The following HIVEP2 variants were observed in gnomAD, a reference collection of about 807,000 sequenced individuals.
HIVEP2 encodes transcription factor HIVEP2.
HIVEP2 carries 14 observed loss-of-function variants against 180.7 expected under a neutral mutation model. That is an observed-to-expected ratio of 0.08 (90% CI 0.05 to 0.12). The LOEUF (loss-of-function observed/expected upper bound fraction) is 0.12. HIVEP2 is among the 10% of genes least tolerant of loss of function. The pLI is 1.00. For synonymous variants in HIVEP2, 1,184 were observed against 1,136.4 expected (o/e 1.04, Z -0.84); for missense variants, 2,579 against 3,008.5 (o/e 0.86, Z 3.34).
intron 1 of HIVEP2, among the ~76,000 whole-genome samples, chr6:142,873,823 A>T (rs183707498): frequency 1.0e-3 from 155 of 152,272 alleles, no homozygotes; most frequent in African/African-American, 2.7e-3. Flanking sequence ...TAGCTCCTGA[A>T]TTTTTTTAAG....
At chr6:142,815,260 A>G (rs1776803952) in intron 2 of HIVEP2, among the ~76,000 whole-genome samples, 1 of 152,172 alleles carries the variant, frequency 6.6e-6, no homozygotes, top group Admixed American at 6.5e-5. Flanking sequence ...GCCCTCTGAC[A>G]GAACACCGCA....
At chr6:142,816,639 C>G (rs1776844915) in intron 2 of HIVEP2, among the ~76,000 whole-genome samples, 1 of 152,194 alleles carries the variant, frequency 6.6e-6, no homozygotes, top group Non-Finnish European at 1.5e-5. Context: ...CACAAATGTG[C>G]TCCAAGACCT....
chr6:142,902,933 A>T (rs1777167347), intron 1 of HIVEP2, among the ~76,000 whole-genome samples: 1 of 152,220 alleles, frequency 6.6e-6, no homozygotes, highest in Admixed American at 6.5e-5. Context: ...ATGAAACAGG[A>T]TGTTGGAGAC....
At chr6:142,926,963 G>T (rs548877320) in intron 1 of HIVEP2, among the ~76,000 whole-genome samples, 6 of 151,846 alleles carry the variant, frequency 4.0e-5, no homozygotes, top group East Asian at 1.9e-4. Flanking sequence ...GTCAGCGGAC[G>T]GGGGGCCAAA....
Position 142,753,714 on chromosome 6 carries a change from G to T in HIVEP2, c.6734C>A (p.Ser2245Tyr). The change falls in exon 10 of 10, where the codon TCC (serine) becomes TAC (tyrosine). Residue 2245 changes from serine (S) to tyrosine (Y), a missense_variant. Ser to Tyr is a moderately radical substitution (Grantham distance 144). Transcript: ENST00000367603. ...CAATGTGGGTGAAGGATGTAAACTGGAAAGGGCTGGCGGCATGGAGTGAAC... is the reference window on the plus strand; with the variant it reads ...CAATGTGGGTGAAGGATGTAAACTGTAAAGGGCTGGCGGCATGGAGTGAAC... ...QMVHSMPPAL[S>Y]SLHPSPTLPL... The T allele has an allele frequency of 6.2e-7, 1 of 1,614,162 alleles. No individual in the cohort carries two copies. The highest frequency in any genetic ancestry group is 8.5e-7 in the Non-Finnish European group (1 of 1,180,024).
At chr6:142,787,566 C>CA (rs5880546) in intron 2 of HIVEP2, among the ~76,000 whole-genome samples, 25,993 of 118,124 alleles carry the variant, frequency 0.22, 2,757 homozygotes, top group Middle Eastern at 0.31. Flanking sequence ...TTCCTCTCTA[C>CA]AAAAAAAAAA....
Position 142,769,701 on chromosome 6 carries a change from G to T in HIVEP2, c.5038C>A (p.Pro1680Thr). 6.2e-7 allele frequency: 1 copy of T among 1,614,198 alleles called. No individual in the cohort carries two copies. The highest frequency in any genetic ancestry group is 1.1e-5 in the South Asian group (1 of 91,092). The stretch of plus-strand genomic sequence containing the variant: ...TTGGTGTTCAATCCTGATGGGTTTG[G>T]ATTACAGGAACTAATGCACCATGAA... ...YASWCISSCN[P>T]NPSGLNTKTT... Residue 1680 changes from proline (P) to threonine (T), a missense_variant, in exon 5 of 10, where the codon CCA becomes ACA. By Grantham distance (38) the Pro-to-Thr change is conservative (BLOSUM62 -1). Around this residue, in one of 11 missense-constraint regions of HIVEP2, gnomAD observed 349 missense variants for 367.2 expected, o/e 0.95. Coordinates refer to ENST00000367603, the MANE Select transcript of HIVEP2 (RefSeq NM_006734.4).
chr6:142,929,467 A>T (rs1043099479), intron 1 of HIVEP2, among the ~76,000 whole-genome samples: 1 of 152,194 alleles, frequency 6.6e-6, no homozygotes, highest in East Asian at 1.9e-4. Flanking sequence ...CCAGAACAAA[A>T]AAAAAGGAGT....
At chr6:142,944,370 C>A (rs1285024768) in intron 1 of HIVEP2, among the ~76,000 whole-genome samples, 2 of 148,696 alleles carry the variant, frequency 1.3e-5, no homozygotes, top group Non-Finnish European at 3.0e-5. Context: ...CACCCCCCCC[C>A]CCCACCAAAT....
chr6:142,841,442 T>TTGTG (rs149688723), intron 1 of HIVEP2, among the ~76,000 whole-genome samples: 4 of 151,558 alleles, frequency 2.6e-5, no homozygotes, highest in African/African-American at 7.3e-5. Flanking sequence ...CACATGAACT[T>TTGTG]TGTGTGTGTG....
At chr6:142,801,864 A>T (rs1776421316) in intron 2 of HIVEP2, among the ~76,000 whole-genome samples, 1 of 152,178 alleles carries the variant, frequency 6.6e-6, no homozygotes, top group Admixed American at 6.6e-5. Flanking sequence ...GTTCCAACAT[A>T]GTTCATTTGT....
At chr6:142,895,215 G>C (rs552048115) in intron 1 of HIVEP2, among the ~76,000 whole-genome samples, 13 of 151,888 alleles carry the variant, frequency 8.6e-5, no homozygotes, top group Non-Finnish European at 1.8e-4. Context: ...ACTTCACATT[G>C]TTTTCTGTTT....
At chr6:142,831,784 A>G (rs1010102709) in intron 2 of HIVEP2, among the ~76,000 whole-genome samples, 1 of 152,190 alleles carries the variant, frequency 6.6e-6, no homozygotes, top group Non-Finnish European at 1.5e-5. Context: ...ATTTGTATTC[A>G]TGACCTGGCT....
At chr6:142,896,787 T>A (rs942946944) in intron 1 of HIVEP2, among the ~76,000 whole-genome samples, 1 of 152,204 alleles carries the variant, frequency 6.6e-6, no homozygotes, top group Non-Finnish European at 1.5e-5. Context: ...GCTCCAGGAT[T>A]CTGCTCAATT....
At chr6:142,823,831 A>T (rs116766163) in intron 2 of HIVEP2, among the ~76,000 whole-genome samples, 2,117 of 152,314 alleles carry the variant, frequency 0.014, 48 homozygotes, top group African/African-American at 0.048. Context: ...CTTCTGTAAA[A>T]ACAGCTGAGG....
At chr6:142,797,799 T>C (rs1776312836) in intron 2 of HIVEP2, among the ~76,000 whole-genome samples, 1 of 151,974 alleles carries the variant, frequency 6.6e-6, no homozygotes, top group Non-Finnish European at 1.5e-5. Context: ...ATCATAGGTA[T>C]GTATGCACAG....
In HIVEP2 at chr6:142,894,397, C is replaced by A. The variant is rs9376713; in HGVS notation, c.-641+50702G>T. Among the ~76,000 whole-genome samples the A allele has an allele frequency of 8.4e-3, 1,273 of 152,190 alleles. 78 individuals are homozygous for A. The East Asian group carries it at 0.17, about 20-fold the overall frequency. Reference sequence around the variant, plus strand: ...AAACCATGTCAACAGGTTAACTTCCCAAAGTTTGACTGTTCAAGAGCACAG... The same window carrying A: ...AAACCATGTCAACAGGTTAACTTCCAAAAGTTTGACTGTTCAAGAGCACAG... On this transcript the variant is annotated intron_variant, in intron 1 of 9. Coordinates refer to ENST00000367603, the MANE Select transcript of HIVEP2 (RefSeq NM_006734.4).
intron 1 of HIVEP2, among the ~76,000 whole-genome samples, chr6:142,899,410 T>A (rs1777075359): frequency 6.6e-6 from 1 of 152,198 alleles, no homozygotes; most frequent in African/African-American, 2.4e-5. Context: ...CCTTTCATAA[T>A]GTATTGCAGT....
At chr6:142,944,618 C>A (rs886711917) in intron 1 of HIVEP2, among the ~76,000 whole-genome samples, 2 of 152,174 alleles carry the variant, frequency 1.3e-5, no homozygotes, top group African/African-American at 4.8e-5. Context: ...CCCTCGTTAA[C>A]CCCCTTCCTG....
Sources: gnomAD v4.1 joint callset for allele counts (sites outside exome capture counted in the v4.1 genomes callset) on GRCh38, gnomAD v4.1.1 for gene constraint, gnomAD v4.1.1 regional missense constraint, MANE v1.5 for transcripts, NCBI Gene and HGNC (gene_info 2026-07-23, HGNC 2026-07-21) for gene names.